Variants in MAD1L1 observed in about 807,000 individuals in gnomAD.
MAD1L1 encodes the protein mitotic arrest deficient 1 like 1.
Under a neutral mutation model 96.9 loss-of-function variants are expected in MAD1L1, and 95 were observed. The ratio of observed to expected loss-of-function variants is 0.98; its 90% CI spans 0.83 to 1.16. The LOEUF is 1.16. MAD1L1 is among the 50% of genes most tolerant of loss of function. The probability of loss-of-function intolerance (pLI) is 0.00; values close to 1 mark genes in which losing one functional copy is unlikely to be tolerated. For synonymous variants in MAD1L1, 473 were observed against 396.6 expected (o/e 1.19, Z -2.29); for missense variants, 1,007 against 954.4 (o/e 1.06, Z -0.73).
intron 12 of MAD1L1, among the ~76,000 whole-genome samples, chr7:2,022,091 G>A (rs1782813214): frequency 6.6e-6 from 1 of 152,154 alleles, no homozygotes; most frequent in African/African-American, 2.4e-5. Context: ...AAGTCGCTGG[G>A]ACTGCAGCTG....
intron 18 of MAD1L1, among the ~76,000 whole-genome samples, chr7:1,821,848 T>C (rs1782141095): frequency 6.6e-6 from 1 of 152,186 alleles, no homozygotes; most frequent in African/African-American, 2.4e-5. Flanking sequence ...TCTGGCCGCC[T>C]TCCCTCATTC....
chr7:2,029,762 G>A (rs1783138903), intron 12 of MAD1L1, among the ~76,000 whole-genome samples: 1 of 152,082 alleles, frequency 6.6e-6, no homozygotes, highest in African/African-American at 2.4e-5. Context: ...CAGGCGCAGG[G>A]CACTCTGCAT....
chr7:2,058,036 GGAGA>G (rs2128521393), intron 12 of MAD1L1, among the ~76,000 whole-genome samples: 1 of 114,094 alleles, frequency 8.8e-6, no homozygotes, highest in Admixed American at 8.6e-5. Context: ...GGAGAGGAGA[GGAGA>G]GGCGCGGGGC....
At chr7:2,086,166 G>A (rs761624155) in intron 11 of MAD1L1, among the ~76,000 whole-genome samples, 15 of 152,334 alleles carry the variant, frequency 9.8e-5, no homozygotes, top group East Asian at 1.9e-4. Flanking sequence ...TCCTAAGGAT[G>A]AGCCCCTCCC....
At chr7:2,056,887 G>A (rs535240655) in intron 12 of MAD1L1, among the ~76,000 whole-genome samples, 1 of 152,324 alleles carries the variant, frequency 6.6e-6, no homozygotes, top group East Asian at 1.9e-4. Flanking sequence ...GGAAGCCGGG[G>A]AGACGTGGCA....
intron 11 of MAD1L1, among the ~76,000 whole-genome samples, chr7:2,078,771 A>C (rs1039620209): frequency 2.0e-5 from 3 of 152,214 alleles, no homozygotes; most frequent in African/African-American, 7.2e-5. Context: ...CAGAGGTGGC[A>C]TGCCTCGCTG....
chr7:1,822,443 T>TATATATATATA (rs57772706), intron 18 of MAD1L1, among the ~76,000 whole-genome samples: 1,681 of 105,384 alleles, frequency 0.016, 32 homozygotes, highest in African/African-American at 0.049. Context: ...TATATATATA[T>TATATATATATA]TTTTTTTTTT....
At chr7:1,821,499 T>C (rs1650930589) in intron 18 of MAD1L1, among the ~76,000 whole-genome samples, 1 of 152,076 alleles carries the variant, frequency 6.6e-6, no homozygotes, top group South Asian at 2.1e-4. Flanking sequence ...AAAATAAGTA[T>C]CAGTCTCTCA....
chr7:2,172,631 C>T (rs949579903), intron 10 of MAD1L1, among the ~76,000 whole-genome samples: 1 of 152,246 alleles, frequency 6.6e-6, no homozygotes, highest in African/African-American at 2.4e-5. Context: ...TTCCCAGCAG[C>T]ATCCAGCAAA....
intron 13 of MAD1L1, among the ~76,000 whole-genome samples, chr7:2,013,962 C>G (rs1174645050): frequency 6.6e-6 from 1 of 152,226 alleles, no homozygotes; most frequent in African/African-American, 2.4e-5. Flanking sequence ...GAGGCCACCT[C>G]TCCTGGGAGA....
chr7:1,971,228 A>G (rs1173212680), intron 15 of MAD1L1, among the ~76,000 whole-genome samples: 3 of 152,188 alleles, frequency 2.0e-5, no homozygotes, highest in Non-Finnish European at 2.9e-5. Flanking sequence ...CACTGCAATC[A>G]TGGCCACCGC....
At chr7:2,184,348 G>C (rs767875071) in intron 10 of MAD1L1, among the ~76,000 whole-genome samples, 2 of 151,956 alleles carry the variant, frequency 1.3e-5, no homozygotes, top group African/African-American at 4.8e-5. Flanking sequence ...GCCAAAAGTC[G>C]GTAACGCCAC....
At chr7:2,124,723 C>A (rs929951843) in intron 11 of MAD1L1, among the ~76,000 whole-genome samples, 3 of 152,188 alleles carry the variant, frequency 2.0e-5, no homozygotes, top group Non-Finnish European at 4.4e-5. Flanking sequence ...GCCCCACCCT[C>A]CTCTGGGTCA....
chr7:2,051,134 G>C (rs753364889), intron 12 of MAD1L1, among the ~76,000 whole-genome samples: 1 of 152,234 alleles, frequency 6.6e-6, no homozygotes, highest in African/African-American at 2.4e-5. Flanking sequence ...TGGGTAGGCA[G>C]GACAAGGTTC....
At chr7:1,933,909 G>A (rs946888761) in intron 17 of MAD1L1, among the ~76,000 whole-genome samples, 1 of 152,178 alleles carries the variant, frequency 6.6e-6, no homozygotes. Context: ...GTTTTGAGGT[G>A]TAACTCAGGC....
rs1467192416 is a variant in MAD1L1, at chr7:2,157,174, G to A, written c.987-7936C>T. On this transcript the variant is annotated intron_variant, in intron 10 of 18. Transcript: ENST00000265854. ...TTGATCATTTGATATATACTGGAAC[G>A]TCTTCAAAAGAGTGCTAAGTAATAC... is the stretch of plus-strand genomic sequence containing the variant. Among the ~76,000 whole-genome samples the A allele has an allele frequency of 5.9e-5, 9 of 152,306 alleles. No homozygotes were observed. In the South Asian group the frequency reaches 1.2e-3, roughly 21 times the overall value.
chr7:2,065,713 C>T (rs553633205), intron 12 of MAD1L1, among the ~76,000 whole-genome samples: 110 of 152,330 alleles, frequency 7.2e-4, no homozygotes, highest in African/African-American at 2.5e-3. Context: ...CTGTGCTCAG[C>T]AGCCACGACG....
rs149370634 is a variant in MAD1L1, at chr7:2,085,292, G to A, written c.1074-15954C>T. On this transcript the variant is annotated intron_variant, in intron 11 of 18. Coordinates refer to ENST00000265854, the MANE Select transcript of MAD1L1 (RefSeq NM_001013836.2). The stretch of plus-strand genomic sequence containing the variant: ...AAGGTTAACAAAAGACAAGTGTAAC[G>A]GAGCAAGTAACGGTGCCTGCTAACA... Among the ~76,000 whole-genome samples, 8 of 152,314 alleles carry A rather than the reference G, an allele frequency of 5.3e-5. No homozygotes were observed. The East Asian group carries it at 7.7e-4, about 15-fold the overall frequency.
chr7:1,867,757 A>G (rs892971091), intron 18 of MAD1L1, among the ~76,000 whole-genome samples: 63 of 152,198 alleles, frequency 4.1e-4, no homozygotes, highest in African/African-American at 1.5e-3. Flanking sequence ...GGGAGGTGAC[A>G]CAGTCCCTCA....
Sources: allele counts gnomAD v4.1 joint callset (sites outside exome capture counted in the v4.1 genomes callset), GRCh38; gene constraint gnomAD v4.1.1; transcripts MANE v1.5; gene names NCBI Gene and HGNC (gene_info 2026-07-23, HGNC 2026-07-21).